RALY: variants seen among roughly 807,000 people sequenced by gnomAD.
RALY encodes RNA-binding protein Raly.
RALY carries 15 observed loss-of-function variants against 30.7 expected under a neutral mutation model. The observed-to-expected ratio is 0.49, with a 90% CI of 0.33 to 0.75. RALY has a LOEUF of 0.75. Among genes scored for constraint, RALY ranks in the 30% least tolerant of loss-of-function variants. The probability of loss-of-function intolerance (pLI) is 0.02; values close to 1 mark genes in which losing one functional copy is unlikely to be tolerated. For synonymous variants in RALY, 177 were observed against 170.8 expected, an observed-to-expected ratio of 1.04 and a Z score of -0.28; for missense variants, 339 against 414.3, an observed-to-expected ratio of 0.82 and a Z score of 1.58.
rs368970758 is a variant in RALY at position 34,003,695 on chromosome 20, A to G, written c.-93+9564A>G. On this transcript the variant is annotated intron_variant, in intron 1 of 9. Transcript: ENST00000246194. ...CGCTCTGTCGCCCAGGCTGGAGTGCAGTGGCGGGATCTCGGCTCACTGCAA... is the reference window on the plus strand; with the variant it reads ...CGCTCTGTCGCCCAGGCTGGAGTGCGGTGGCGGGATCTCGGCTCACTGCAA... 4.5e-5 allele frequency among the ~76,000 whole-genome samples: 6 copies of G among 132,614 alleles called. No homozygotes were observed. In the East Asian group the frequency reaches 1.1e-3, roughly 24 times the overall value. The allele number at this position is 132,614 out of a possible 152,430, so 87.0% of individuals were successfully genotyped here. A position where few individuals can be genotyped will look rare whatever the true frequency, so the allele number is the denominator to read the frequency against.
intron 2 of RALY, among the ~76,000 whole-genome samples, chr20:34,063,842 G>A (rs1279894324): frequency 6.6e-6 from 1 of 151,948 alleles, no homozygotes; most frequent in East Asian, 1.9e-4. Flanking sequence ...CTCCCTTTTG[G>A]TAGAGCCTTC....
chr20:34,005,463 C>A (rs568211704), intron 1 of RALY, among the ~76,000 whole-genome samples: 1 of 151,652 alleles, frequency 6.6e-6, no homozygotes, highest in Non-Finnish European at 1.5e-5. Flanking sequence ...GAGCCAAGAT[C>A]GTGCCACTGC....
At chr20:33,995,891 A>G (rs1347617204) in intron 1 of RALY, among the ~76,000 whole-genome samples, 1 of 152,218 alleles carries the variant, frequency 6.6e-6, no homozygotes, top group African/African-American at 2.4e-5. Context: ...TTAAAAGGGC[A>G]CGAAACCACT....
chr20:34,032,704 T>TGA (rs1234525400), intron 2 of RALY, among the ~76,000 whole-genome samples: 2 of 152,212 alleles, frequency 1.3e-5, no homozygotes, highest in East Asian at 3.9e-4. Context: ...GCTCAGGAAC[T>TGA]GAAATAATTT....
chr20:34,037,492 AAGC>A (rs1198380145), intron 2 of RALY, among the ~76,000 whole-genome samples: 2 of 152,196 alleles, frequency 1.3e-5, no homozygotes, highest in Non-Finnish European at 1.5e-5. Flanking sequence ...CTGAAATTCT[AAGC>A]AGAGATTTGA....
At chr20:34,073,790 C>G (rs892840546) in intron 4 of RALY, 29 bp from the exon 5 acceptor site, 1 of 1,612,790 alleles carries the variant, frequency 6.2e-7, no homozygotes, top group Admixed American at 1.7e-5. Flanking sequence ...CGTCCCTAAG[C>G]TCCAGCCCTC....
At chr20:34,026,067 A>G (rs1055857) in intron 1 of RALY, among the ~76,000 whole-genome samples, 94,384 of 151,716 alleles carry the variant, frequency 0.62, 30,655 homozygotes, top group South Asian at 0.85. Context: ...ATGCTGGTAG[A>G]GGAGGAAGCT....
chr20:34,023,715 G>C (rs75459907), intron 1 of RALY, among the ~76,000 whole-genome samples: 1 of 152,060 alleles, frequency 6.6e-6, no homozygotes, highest in Non-Finnish European at 1.5e-5. Flanking sequence ...ATCATATGCT[G>C]GAGTATCACA....
intron 1 of RALY, among the ~76,000 whole-genome samples, chr20:34,023,899 G>A (rs1427300722): frequency 6.6e-6 from 1 of 152,136 alleles, no homozygotes; most frequent in African/African-American, 2.4e-5. Flanking sequence ...TTTTGAATAG[G>A]TATTCAAAAA....
intron 2 of RALY, among the ~76,000 whole-genome samples, chr20:34,069,065 C>A (rs927937768): frequency 1.3e-5 from 2 of 152,218 alleles, no homozygotes; most frequent in Non-Finnish European, 2.9e-5. Flanking sequence ...CACATACATA[C>A]ACTTCCCAAG....
At chr20:34,073,752 A>G in intron 4 of RALY, 67 bp from the exon 5 acceptor site, 1 of 1,569,094 alleles carries the variant, frequency 6.4e-7, no homozygotes, top group South Asian at 1.1e-5. Flanking sequence ...TCTGGAGATG[A>G]GGGCCTGTGG....
At chr20:34,075,833 C>T (rs780607843) in intron 5 of RALY, 41 bp from the exon 6 acceptor site, 26 of 1,587,974 alleles carry the variant, frequency 1.6e-5, no homozygotes, top group Non-Finnish European at 2.2e-5. Flanking sequence ...CCCTGGTGGC[C>T]ACAAGCCATG....
chr20:34,013,806 G>A (rs1408423240), intron 1 of RALY, among the ~76,000 whole-genome samples: 2 of 152,122 alleles, frequency 1.3e-5, no homozygotes, highest in African/African-American at 4.8e-5. Flanking sequence ...TATTTCCCTT[G>A]TGTCTCTGAA....
At chr20:34,076,559 G>T in intron 6 of RALY, 143 bp from the exon 7 acceptor site, 2 of 674,940 alleles carry the variant, frequency 3.0e-6, no homozygotes, top group South Asian at 1.9e-5. Flanking sequence ...GTCTAAGGAG[G>T]AGACCTTTTT....
At chr20:34,035,524 G>GT (rs747899117) in intron 2 of RALY, among the ~76,000 whole-genome samples, 17 of 152,018 alleles carry the variant, frequency 1.1e-4, no homozygotes, top group Non-Finnish European at 1.9e-4. Context: ...AGAAAACCAA[G>GT]TTTTTTTATG....
chr20:34,055,952 G>T (rs1286326632), intron 2 of RALY, among the ~76,000 whole-genome samples: 1 of 152,102 alleles, frequency 6.6e-6, no homozygotes, highest in African/African-American at 2.4e-5. Flanking sequence ...AGACAAAAAG[G>T]GTTTGGCACA....
chr20:34,029,255 T>G lies in RALY; in HGVS notation c.-92-2267T>G, dbSNP rs936724283. On this transcript the variant is annotated intron_variant, in intron 1 of 9. Transcript: ENST00000246194. The stretch of plus-strand genomic sequence containing the variant: ...GAGCTTGAGACCAGCCTGACTAACA[T>G]GAAGAAACCCCGTCTTTACTAAAAA... Among the ~76,000 whole-genome samples the G allele has an allele frequency of 4.0e-5, 6 of 151,740 alleles. No individual in the cohort carries two copies. The East Asian group carries it at 7.8e-4, about 20-fold the overall frequency.
intron 1 of RALY, among the ~76,000 whole-genome samples, chr20:33,999,911 T>C (rs920699478): frequency 6.6e-6 from 1 of 152,128 alleles, no homozygotes; most frequent in African/African-American, 2.4e-5. Flanking sequence ...ATAAGGTCCC[T>C]TCTAGCAATT....
chr20:34,077,041 G>A lies in RALY; in HGVS notation c.672G>A (p.Lys224=). The A allele has an allele frequency of 1.3e-6, 2 of 1,599,540 alleles. No individual in the cohort carries two copies. Among genetic ancestry groups the A allele is most frequent in the Non-Finnish European group, 1.7e-6 (2 of 1,176,178 alleles). ...CTTCCCCTCAAGATGGCAAGAAGAAGGGTGATGGAGGTGGCGCCGGCGGCG... is the reference window on the plus strand; with the variant it reads ...CTTCCCCTCAAGATGGCAAGAAGAAAGGTGATGGAGGTGGCGCCGGCGGCG... ...EQKANPDGKK[K]GDGGGAGGGG... Residue 224 remains lysine (K), a synonymous_variant, in exon 8 of 10, where the codon AAG becomes AAA. Transcript: ENST00000246194.
Sources: gnomAD v4.1 joint callset for allele counts (sites outside exome capture counted in the v4.1 genomes callset) on GRCh38, gnomAD v4.1.1 for gene constraint, MANE v1.5 for transcripts, NCBI Gene and HGNC (gene_info 2026-07-23, HGNC 2026-07-21) for gene names.